Variants in CADM2 observed in about 807,000 individuals in gnomAD.
CADM2 encodes immunoglobulin superfamily member 4D.
CADM2 carries 12 observed loss-of-function variants against 49.8 expected under a neutral mutation model. That is an observed-to-expected ratio of 0.24 (90% CI 0.15 to 0.39). The LOEUF is 0.39. Ranked by LOEUF, CADM2 falls within the 10% of genes least tolerant of loss-of-function variation. CADM2 has a pLI of 1.00. For missense variants in CADM2, 378 were observed against 492.3 expected, an observed-to-expected ratio of 0.77 and a Z score of 2.20; for synonymous variants, 214 against 175.4, an observed-to-expected ratio of 1.22 and a Z score of -1.74.
chr3:85,242,039 A>G (rs2042542759), intron 1 of CADM2, among the ~76,000 whole-genome samples: 1 of 150,710 alleles, frequency 6.6e-6, no homozygotes, highest in South Asian at 2.1e-4. Flanking sequence ...TTATAAGATT[A>G]AGGAAATCAG....
intron 1 of CADM2, among the ~76,000 whole-genome samples, chr3:85,209,967 T>A (rs2041739264): frequency 6.6e-6 from 1 of 152,274 alleles, no homozygotes. Flanking sequence ...TTAAATACAT[T>A]TATAAACCAT....
chr3:85,613,842 G>A (rs373341070), intron 1 of CADM2, among the ~76,000 whole-genome samples: 22 of 151,548 alleles, frequency 1.5e-4, no homozygotes, highest in East Asian at 7.7e-4. Context: ...AGTCTGACAG[G>A]CCAGGGTTCA....
chr3:85,508,189 C>A (rs2040443215), intron 1 of CADM2, among the ~76,000 whole-genome samples: 2 of 152,098 alleles, frequency 1.3e-5, no homozygotes, highest in Non-Finnish European at 2.9e-5. Flanking sequence ...GTATTGTTTT[C>A]TGTATTATAT....
At chr3:86,039,123 T>C (rs1489467442) in intron 8 of CADM2, among the ~76,000 whole-genome samples, 2 of 152,168 alleles carry the variant, frequency 1.3e-5, no homozygotes, top group African/African-American at 4.8e-5. Context: ...AGCTCCAGTC[T>C]ACAGCTCCCA....
At chr3:85,341,159 G>A (rs374470694) in intron 1 of CADM2, among the ~76,000 whole-genome samples, 2 of 150,746 alleles carry the variant, frequency 1.3e-5, no homozygotes, top group South Asian at 2.1e-4. Context: ...TCAAGCATAC[G>A]GAATATAAAA....
chr3:85,400,583 CT>C (rs1274476487), intron 1 of CADM2, among the ~76,000 whole-genome samples: 1 of 152,000 alleles, frequency 6.6e-6, no homozygotes, highest in South Asian at 2.1e-4. Flanking sequence ...TGGTCCTGGA[CT>C]TTTTTTGGTT....
chr3:85,495,224 G>A (rs182898895), intron 1 of CADM2, among the ~76,000 whole-genome samples: 7 of 152,248 alleles, frequency 4.6e-5, no homozygotes, highest in Admixed American at 1.3e-4. Flanking sequence ...GTTCATCAGA[G>A]TGACGACTAA....
At chr3:85,722,482 A>C (rs2067541096) in intron 1 of CADM2, among the ~76,000 whole-genome samples, 2 of 152,346 alleles carry the variant, frequency 1.3e-5, no homozygotes, top group South Asian at 4.1e-4. Context: ...TATTTCAATA[A>C]AATTCTACAT....
At chr3:85,901,430 T>A (rs1346283006) in intron 5 of CADM2, among the ~76,000 whole-genome samples, 1 of 152,136 alleles carries the variant, frequency 6.6e-6, no homozygotes, top group East Asian at 1.9e-4. Context: ...TTGTCTGCTA[T>A]TTTATTTACT....
At chr3:86,016,487 A>G (rs1459229758) in intron 8 of CADM2, among the ~76,000 whole-genome samples, 8 of 152,314 alleles carry the variant, frequency 5.3e-5, no homozygotes, top group Non-Finnish European at 1.5e-5. Flanking sequence ...TGATGAAATA[A>G]GAGGAAAATA....
chr3:85,906,780 A>G (rs1342777259), intron 5 of CADM2, among the ~76,000 whole-genome samples: 8 of 152,226 alleles, frequency 5.3e-5, no homozygotes, highest in Admixed American at 5.2e-4. Flanking sequence ...TGGTCTAGAG[A>G]CAGTTTAAAA....
chr3:85,304,468 C>T (rs2044168382), intron 1 of CADM2, among the ~76,000 whole-genome samples: 1 of 151,702 alleles, frequency 6.6e-6, no homozygotes, highest in Non-Finnish European at 1.5e-5. Context: ...GGAACTGACA[C>T]TGCCAGCTCC....
chr3:85,223,798 TG>T (rs1576156450), intron 1 of CADM2, among the ~76,000 whole-genome samples: 1 of 152,110 alleles, frequency 6.6e-6, no homozygotes, highest in East Asian at 1.9e-4. Flanking sequence ...TTCTCCTCCC[TG>T]TGTCCATGTG....
At chr3:84,976,933 G>A (rs939484782) in intron 1 of CADM2, among the ~76,000 whole-genome samples, 1 of 151,720 alleles carries the variant, frequency 6.6e-6, no homozygotes, top group African/African-American at 2.4e-5. Context: ...CAGATCTAAA[G>A]GTGTTTTTTA....
At chr3:85,032,137 A>G (rs1158615376) in intron 1 of CADM2, among the ~76,000 whole-genome samples, 1 of 152,080 alleles carries the variant, frequency 6.6e-6, no homozygotes, top group East Asian at 1.9e-4. Context: ...TGAGTAATCC[A>G]TTTAGGGTAC....
At position 85,324,339 on chromosome 3, in the gene CADM2, T is replaced by C. The variant is rs201354513; in HGVS notation, c.61+364671T>C. ...AACAGAATTGAGTGTCAAAATCAAG[T>C]CTGTTGGATTCTACGCCCAAAGCTC... On this transcript the variant is annotated intron_variant, in intron 1 of 9. Transcript: ENST00000383699. Among the ~76,000 whole-genome samples, 4 of 152,262 alleles carry C rather than the reference T, an allele frequency of 2.6e-5. No homozygotes were observed. The East Asian group carries it at 7.7e-4, about 29-fold the overall frequency.
chr3:85,691,779 G>A (rs1485480885), intron 1 of CADM2, among the ~76,000 whole-genome samples: 1 of 152,130 alleles, frequency 6.6e-6, no homozygotes, highest in Admixed American at 6.5e-5. Flanking sequence ...TATACACCAT[G>A]GAATGTTATG....
chr3:85,255,235 A>G (rs1346021388), intron 1 of CADM2, among the ~76,000 whole-genome samples: 1 of 152,068 alleles, frequency 6.6e-6, no homozygotes, highest in East Asian at 1.9e-4. Flanking sequence ...CATGGCATTT[A>G]TAATACAGAA....
chr3:85,885,975 G>A (rs1192508663), intron 4 of CADM2, among the ~76,000 whole-genome samples: 12 of 151,278 alleles, frequency 7.9e-5, no homozygotes, highest in African/African-American at 2.4e-4. Context: ...GTGTATGGAT[G>A]TGTGTATATG....
Sources: gnomAD v4.1 joint callset for allele counts (sites outside exome capture counted in the v4.1 genomes callset) on GRCh38, gnomAD v4.1.1 for gene constraint, MANE v1.5 for transcripts, NCBI Gene and HGNC (gene_info 2026-07-23, HGNC 2026-07-21) for gene names.